ZNF286A: variants seen among roughly 807,000 people sequenced by gnomAD.
ZNF286A encodes zinc finger protein 286A.
In ZNF286A, 34 loss-of-function variants were observed where a neutral mutation model predicts 49.3. The observed-to-expected ratio is 0.69, with a 90% CI of 0.52 to 0.92. The LOEUF is 0.92. Among genes scored for constraint, ZNF286A ranks in the 40% least tolerant of loss-of-function variants. The pLI, the probability that ZNF286A is intolerant of heterozygous loss-of-function variation, is 0.00. For missense variants in ZNF286A, 462 were observed against 600.2 expected (o/e 0.77, Z 2.41); for synonymous variants, 155 against 200.4 (o/e 0.77, Z 1.91).
Position 15,708,136 on chromosome 17 carries a change from T to C in ZNF286A, c.242-19T>C. On this transcript the variant is annotated intron_variant, in intron 4 of 5. Transcript: ENST00000583566. Reference sequence around the variant, plus strand: ...CATTACTTTCTTCTTTCTGTCTTTTTCTTTTTTTAAATGAATAGGGCTTCC... The same window carrying C: ...CATTACTTTCTTCTTTCTGTCTTTTCCTTTTTTTAAATGAATAGGGCTTCC... The C allele has an allele frequency of 6.6e-6, 10 of 1,516,930 alleles. 1 individual carries two copies. The highest frequency in any genetic ancestry group is 2.8e-5 in the South Asian group (2 of 72,314). 94.0% of individuals were successfully genotyped at this position (1,516,930 alleles called of 1,614,324 possible). A position where few individuals can be genotyped will look rare whatever the true frequency, so the allele number is the denominator to read the frequency against.
At chr17:15,713,556 C>G (rs1483513000) in intron 5 of ZNF286A, among the ~76,000 whole-genome samples, 1 of 151,918 alleles carries the variant, frequency 6.6e-6, no homozygotes, top group African/African-American at 2.4e-5. Context: ...AGCTCCAAAA[C>G]TGAACAAGTG....
intron 5 of ZNF286A, among the ~76,000 whole-genome samples, chr17:15,709,374 C>T (rs1462998298): frequency 6.6e-6 from 1 of 151,068 alleles, no homozygotes; most frequent in Non-Finnish European, 1.5e-5. Context: ...CACCTGTAAT[C>T]CTAGCTACTT....
At chr17:15,711,791 G>A (rs1990664811) in intron 5 of ZNF286A, among the ~76,000 whole-genome samples, 1 of 150,426 alleles carries the variant, frequency 6.6e-6, no homozygotes, top group African/African-American at 2.4e-5. Flanking sequence ...TCTAAATGGT[G>A]GTTGTTGTTC....
At position 15,710,037 on chromosome 17, in the gene ZNF286A, T is replaced by C. The variant is rs569387481; in HGVS notation, c.334+1790T>C. On this transcript the variant is annotated intron_variant, in intron 5 of 5. Coordinates refer to ENST00000583566, the MANE Select transcript of ZNF286A (RefSeq NM_001130842.2). ...TTTCTCTGAGTGATAAATACAAGTT[T>C]GAGCATTTCATGTTACTTGGCTATT... 27 of 819,146 alleles carry C rather than the reference T, an allele frequency of 3.3e-5. No individual in the cohort carries two copies. In the South Asian group the frequency reaches 5.5e-4, roughly 17 times the overall value. 50.7% of individuals were successfully genotyped at this position (819,146 alleles called of 1,614,324 possible). A position where few individuals can be genotyped will look rare whatever the true frequency, so the allele number is the denominator to read the frequency against.
chr17:15,710,991 G>A (rs568504252), intron 5 of ZNF286A, among the ~76,000 whole-genome samples: 56 of 151,238 alleles, frequency 3.7e-4, no homozygotes, highest in Admixed American at 1.3e-3. Flanking sequence ...GGCTCACTGC[G>A]GCCTCCACCT....
intron 3 of ZNF286A, among the ~76,000 whole-genome samples, chr17:15,702,205 G>A (rs1393080640): frequency 6.6e-6 from 1 of 151,840 alleles, no homozygotes; most frequent in Non-Finnish European, 1.5e-5. Flanking sequence ...ACTTTTGTAT[G>A]TTTGAAACTT....
intron 3 of ZNF286A, among the ~76,000 whole-genome samples, chr17:15,703,630 G>A (rs1476741223): frequency 6.6e-6 from 1 of 151,724 alleles, no homozygotes; most frequent in Non-Finnish European, 1.5e-5. Flanking sequence ...CAGACATATG[G>A]TATACTATAT....
At chr17:15,699,863 G>A (rs1368228077) in intron 1 of ZNF286A, 86 bp downstream of exon 1, 5 of 701,896 alleles carry the variant, frequency 7.1e-6, no homozygotes, top group Non-Finnish European at 1.3e-5. Flanking sequence ...CGGGGCTAGA[G>A]TGCGCGTTTG....
chr17:15,704,264 T>C, intron 3 of ZNF286A: 2 of 1,606,590 alleles, frequency 1.2e-6, no homozygotes, highest in Non-Finnish European at 1.7e-6. Flanking sequence ...TTCTTGTCCG[T>C]CTTTTTCTTG....
intron 3 of ZNF286A, chr17:15,704,525 C>T (rs879181318): frequency 1.2e-6 from 2 of 1,614,054 alleles, no homozygotes; most frequent in African/African-American, 1.3e-5. Context: ...AGTGCAGACT[C>T]GGGGTTAGGG....
intron 5 of ZNF286A, among the ~76,000 whole-genome samples, chr17:15,710,652 A>G (rs1043206031): frequency 1.3e-5 from 2 of 152,140 alleles, no homozygotes; most frequent in Non-Finnish European, 2.9e-5. Flanking sequence ...GGATATTATT[A>G]TTTTTAAAAA....
intron 5 of ZNF286A, 86 bp downstream of exon 5, chr17:15,708,333 T>A (rs1990395259): frequency 9.6e-7 from 1 of 1,042,648 alleles, no homozygotes; most frequent in Admixed American, 3.1e-5. Flanking sequence ...AAAGTGCCTG[T>A]GTGCCCTTAT....
At chr17:15,708,772 G>C (rs72819902) in intron 5 of ZNF286A, among the ~76,000 whole-genome samples, 15,240 of 152,184 alleles carry the variant, frequency 0.1, 1,093 homozygotes, top group Middle Eastern at 0.15. Flanking sequence ...CTTTGTTGCT[G>C]CATATCATCA....
At chr17:15,704,401 G>C in intron 3 of ZNF286A, 1 of 1,606,736 alleles carries the variant, frequency 6.2e-7, no homozygotes, top group South Asian at 1.1e-5. Context: ...GGCCCGCCCG[G>C]CTTCGGCCCT....
intron 3 of ZNF286A, 76 bp from the exon 4 acceptor site, chr17:15,706,311 C>T (rs1482968666): frequency 8.1e-7 from 1 of 1,231,376 alleles, no homozygotes; most frequent in Admixed American, 1.8e-5. Context: ...GCTTTTGCTC[C>T]AGGGCCAGCA....
At chr17:15,704,361 G>A in intron 3 of ZNF286A, 5 of 1,610,444 alleles carry the variant, frequency 3.1e-6, no homozygotes, top group African/African-American at 1.3e-5. Flanking sequence ...CCCCAGGGTC[G>A]GTGGAGGAAG....
intron 5 of ZNF286A, 107 bp from the exon 6 acceptor site, chr17:15,715,952 C>T: frequency 6.5e-7 from 1 of 1,541,068 alleles, no homozygotes; most frequent in Non-Finnish European, 8.7e-7. Context: ...AATCCACTTG[C>T]TCCTTGAAGG....
chr17:15,704,298 G>T (rs2151455465), intron 3 of ZNF286A: 2 of 1,609,656 alleles, frequency 1.2e-6, no homozygotes, highest in East Asian at 2.2e-5. Context: ...TATCGCGCTC[G>T]CCAGCATGCT....
intron 3 of ZNF286A, among the ~76,000 whole-genome samples, chr17:15,703,103 T>C (rs1377679967): frequency 6.6e-6 from 1 of 152,180 alleles, no homozygotes; most frequent in Non-Finnish European, 1.5e-5. Flanking sequence ...TGTAATTCTT[T>C]ATAGAATATA....
Sources: gnomAD v4.1 joint callset for allele counts (sites outside exome capture counted in the v4.1 genomes callset) on GRCh38, gnomAD v4.1.1 for gene constraint, MANE v1.5 for transcripts, NCBI Gene and HGNC (gene_info 2026-07-23, HGNC 2026-07-21) for gene names.